The following KDM4C variants were observed in gnomAD, a reference collection of about 807,000 sequenced individuals.
KDM4C encodes lysine demethylase 4C, also known as lysine-specific demethylase 4C.
Under a neutral mutation model 129.3 loss-of-function variants are expected in KDM4C, and 81 were observed. The observed-to-expected ratio is 0.63, with a 90% CI of 0.52 to 0.75. KDM4C has a LOEUF of 0.75. KDM4C is among the 30% of genes least tolerant of loss of function. The probability of loss-of-function intolerance (pLI) is 0.00; values close to 1 mark genes in which losing one functional copy is unlikely to be tolerated. For synonymous variants in KDM4C, 573 were observed against 456.1 expected (o/e 1.26, Z -3.26); for missense variants, 1,457 against 1,304.0 (o/e 1.12, Z -1.81).
At chr9:6,804,791 T>G (rs1829665216) in intron 2 of KDM4C, among the ~76,000 whole-genome samples, 1 of 152,100 alleles carries the variant, frequency 6.6e-6, no homozygotes, top group Admixed American at 6.5e-5. Context: ...GTTGACTATG[T>G]ATTTACTTAT....
At chr9:6,905,383 C>T (rs1040268637) in intron 8 of KDM4C, among the ~76,000 whole-genome samples, 2 of 152,092 alleles carry the variant, frequency 1.3e-5, no homozygotes, top group African/African-American at 4.8e-5. Context: ...TGTTGATTGT[C>T]CTGAAATGTC....
intron 5 of KDM4C, among the ~76,000 whole-genome samples, chr9:6,854,909 G>A (rs924557697): frequency 4.9e-4 from 74 of 152,068 alleles, no homozygotes; most frequent in African/African-American, 1.6e-3. Context: ...GTGACCTTGG[G>A]CAATTATTAA....
At chr9:6,855,257 G>A (rs1447711907) in intron 5 of KDM4C, among the ~76,000 whole-genome samples, 3 of 151,912 alleles carry the variant, frequency 2.0e-5, no homozygotes, top group African/African-American at 7.3e-5. Context: ...TCAGGAGTTC[G>A]AGACTAGCCT....
chr9:6,736,498 C>T (rs1332936265), intron 1 of KDM4C, among the ~76,000 whole-genome samples: 1 of 152,088 alleles, frequency 6.6e-6, no homozygotes, highest in Non-Finnish European at 1.5e-5. Flanking sequence ...CCAGCCATGA[C>T]TAAAAGGGGC....
chr9:6,826,715 A>T (rs920052238), intron 4 of KDM4C, among the ~76,000 whole-genome samples: 2 of 152,014 alleles, frequency 1.3e-5, no homozygotes, highest in African/African-American at 4.8e-5. Flanking sequence ...AAAATACAAA[A>T]AATTAGCCAG....
intron 4 of KDM4C, among the ~76,000 whole-genome samples, chr9:6,836,628 C>T (rs575244334): frequency 6.6e-6 from 1 of 152,240 alleles, no homozygotes; most frequent in Admixed American, 6.5e-5. Context: ...TTTTCTCATG[C>T]ATGCACGTAT....
rs191973054 is a variant in KDM4C, at chr9:6,772,334, A to G, written c.-18+14131A>G. ...CTGGCTAATTTTTGTATTTTAGTAG[A>G]GACGGGGTTTCACCATGTTGGCCAG... On this transcript the variant is annotated intron_variant, in intron 1 of 21. Coordinates refer to ENST00000381309, the MANE Select transcript of KDM4C (RefSeq NM_015061.6). Among the ~76,000 whole-genome samples, 486 of 150,508 alleles carry G rather than the reference A, an allele frequency of 3.2e-3. 2 individuals carry two copies. The highest frequency in any genetic ancestry group is 0.014 in the Middle Eastern group (4 of 290).
intron 15 of KDM4C, among the ~76,000 whole-genome samples, chr9:7,023,570 C>G (rs551218310): frequency 3.3e-5 from 5 of 151,588 alleles, no homozygotes; most frequent in African/African-American, 9.7e-5. Flanking sequence ...TTTTGTTTTT[C>G]TTTCTTTTTA....
At chr9:7,087,296 A>C (rs1835245080) in intron 17 of KDM4C, among the ~76,000 whole-genome samples, 1 of 152,076 alleles carries the variant, frequency 6.6e-6, no homozygotes, top group Admixed American at 6.5e-5. Flanking sequence ...AAAAAAGAAA[A>C]ATATAATTAA....
intron 8 of KDM4C, among the ~76,000 whole-genome samples, chr9:6,928,406 G>A (rs1259306219): frequency 6.6e-6 from 1 of 152,172 alleles, no homozygotes; most frequent in African/African-American, 2.4e-5. Flanking sequence ...GTTTGTGCAT[G>A]TATCTCTTGT....
intron 2 of KDM4C, among the ~76,000 whole-genome samples, chr9:6,798,926 G>C (rs901591748): frequency 1.3e-5 from 2 of 151,892 alleles, no homozygotes; most frequent in African/African-American, 4.8e-5. Flanking sequence ...CCCAGACGGG[G>C]TCGCGGTCGG....
chr9:7,044,809 A>G (rs1829155313), intron 15 of KDM4C, among the ~76,000 whole-genome samples: 1 of 151,922 alleles, frequency 6.6e-6, no homozygotes, highest in South Asian at 2.1e-4. Flanking sequence ...TGGAGAGAGA[A>G]GTAATAGGGC....
At chr9:7,083,019 G>T (rs78350788) in intron 17 of KDM4C, among the ~76,000 whole-genome samples, 3,222 of 152,202 alleles carry the variant, frequency 0.021, 48 homozygotes, top group Non-Finnish European at 0.033. Flanking sequence ...TGAAGTGCTT[G>T]CATTTTTTAA....
intron 4 of KDM4C, among the ~76,000 whole-genome samples, chr9:6,820,714 CT>C (rs35264767): frequency 0.032 from 4,023 of 127,046 alleles, 167 homozygotes; most frequent in African/African-American, 0.1. Flanking sequence ...CTCTCTCTCT[CT>C]TTTTTTTTTT....
In KDM4C at chr9:7,174,737, A is replaced by C. The variant is rs756865026; in HGVS notation, c.*8A>C. 2 of 1,611,402 alleles carry C rather than the reference A, an allele frequency of 1.2e-6. No individual in the cohort carries two copies. The highest frequency in any genetic ancestry group is 8.5e-7 in the Non-Finnish European group (1 of 1,177,844). On this transcript the variant is annotated 3_prime_UTR_variant, in exon 22 of 22. Coordinates refer to ENST00000381309, the MANE Select transcript of KDM4C (RefSeq NM_015061.6). ...TGCCAGAAGAGACAGTAGTCTGCAT[A>C]CATCGCTGCAGGCCACAGAGCAGCT...
intron 19 of KDM4C, among the ~76,000 whole-genome samples, chr9:7,163,075 G>A (rs531006858): frequency 2.0e-5 from 3 of 152,222 alleles, no homozygotes; most frequent in South Asian, 2.1e-4. Context: ...GCTCCTCTCC[G>A]TGGAAGGAGC....
intron 14 of KDM4C, among the ~76,000 whole-genome samples, chr9:7,015,381 G>C (rs542517900): frequency 2.0e-5 from 3 of 152,196 alleles, no homozygotes; most frequent in African/African-American, 7.2e-5. Context: ...GGCGTGAACT[G>C]AATAGACAAA....
chr9:6,767,348 C>T (rs373344280), intron 1 of KDM4C, among the ~76,000 whole-genome samples: 7 of 151,440 alleles, frequency 4.6e-5, no homozygotes, highest in Admixed American at 2.0e-4. Flanking sequence ...TCACCACGTT[C>T]GGCAGGATGG....
intron 5 of KDM4C, among the ~76,000 whole-genome samples, chr9:6,866,647 C>T (rs996560761): frequency 6.6e-6 from 1 of 152,092 alleles, no homozygotes. Context: ...GGACAGTGTC[C>T]TCCTAGGAAA....
Sources: gnomAD v4.1 joint callset for allele counts (sites outside exome capture counted in the v4.1 genomes callset) on GRCh38, gnomAD v4.1.1 for gene constraint, MANE v1.5 for transcripts, NCBI Gene and HGNC (gene_info 2026-07-23, HGNC 2026-07-21) for gene names.